DCAF1: variants seen among roughly 807,000 people sequenced by gnomAD.
The protein encoded by DCAF1 is DDB1- and CUL4-associated factor 1.
DCAF1 carries 15 observed loss-of-function variants against 128.0 expected under a neutral mutation model. That is an observed-to-expected ratio of 0.12 (90% CI 0.08 to 0.18). DCAF1 has a LOEUF of 0.18. Ranked by LOEUF, DCAF1 falls within the 10% of genes least tolerant of loss-of-function variation. The pLI, the probability that DCAF1 is intolerant of heterozygous loss-of-function variation, is 1.00. For synonymous variants in DCAF1, 610 were observed against 603.0 expected (o/e 1.01, Z -0.17); for missense variants, 988 against 1,649.5 (o/e 0.60, Z 6.95).
intron 8 of DCAF1, 122 bp from the exon 9 acceptor site, chr3:51,441,193 T>A: frequency 8.6e-7 from 1 of 1,167,680 alleles, no homozygotes; most frequent in African/African-American, 1.5e-5. Flanking sequence ...CCTGTGAAGA[T>A]AAACGTGTAA....
chr3:51,481,639 G>A (rs1160644631), intron 3 of DCAF1, among the ~76,000 whole-genome samples: 2 of 152,134 alleles, frequency 1.3e-5, no homozygotes, highest in Admixed American at 6.6e-5. Context: ...GGGTTGCAGT[G>A]AGCCAAGATC....
Position 51,478,810 on chromosome 3 carries a change from CCT to C in DCAF1, c.110+4907_110+4908del, listed in dbSNP as rs1705802415. On this transcript the variant is annotated intron_variant, in intron 3 of 24. Transcript: ENST00000684031. ...GGCCTAACTTTCTTAATCTCCAATG[CCT>C]CTACCAGTTAAAATCCAGTTTCTGC... Among the ~76,000 whole-genome samples, 3 of 152,022 alleles carry C rather than the reference CCT, an allele frequency of 2.0e-5. 1 individual carries two copies. The South Asian group carries it at 6.2e-4, about 31-fold the overall frequency.
intron 13 of DCAF1, 46 bp downstream of exon 13, chr3:51,427,326 C>G (rs1553634336): frequency 1.6e-6 from 1 of 641,352 alleles, no homozygotes. Context: ...TCAACTTTAA[C>G]AAAAAGATGC....
chr3:51,433,945 G>A (rs1700597698), intron 9 of DCAF1, among the ~76,000 whole-genome samples: 1 of 151,468 alleles, frequency 6.6e-6, no homozygotes, highest in African/African-American at 2.4e-5. Context: ...TGCCAGACGT[G>A]GTGGTGGGTG....
intron 6 of DCAF1, among the ~76,000 whole-genome samples, chr3:51,448,981 A>G (rs527717550): frequency 6.6e-6 from 1 of 152,150 alleles, no homozygotes; most frequent in South Asian, 2.1e-4. Context: ...AAAAAGATTG[A>G]AATCTCACAA....
intron 1 of DCAF1, among the ~76,000 whole-genome samples, chr3:51,497,111 G>A (rs1035693507): frequency 6.6e-6 from 1 of 151,950 alleles, no homozygotes. Context: ...CCTGGCCAAC[G>A]CGGCAAATCC....
intron 9 of DCAF1, among the ~76,000 whole-genome samples, chr3:51,435,655 G>A (rs1700751759): frequency 6.7e-6 from 1 of 149,408 alleles, no homozygotes; most frequent in Non-Finnish European, 1.5e-5. Flanking sequence ...GGGTTGCAGT[G>A]AGCAGAGATC....
intron 3 of DCAF1, among the ~76,000 whole-genome samples, chr3:51,479,398 G>C (rs1033552159): frequency 6.6e-6 from 1 of 152,086 alleles, no homozygotes. Context: ...AGCTACTCCA[G>C]AAGCTGAGGT....
intron 23 of DCAF1, among the ~76,000 whole-genome samples, chr3:51,407,984 C>CAAAAAAAAAAAAAA (rs59224025): frequency 5.7e-5 from 3 of 52,544 alleles, no homozygotes; most frequent in Non-Finnish European, 9.5e-5. Flanking sequence ...GACTCCATCT[C>CAAAAAAAAAAAAAA]AAAAAAAAAA....
At chr3:51,414,475 T>C (rs149232616) in intron 19 of DCAF1, 149 bp downstream of exon 19, 2 of 1,196,214 alleles carry the variant, frequency 1.7e-6, no homozygotes, top group African/African-American at 1.5e-5. Context: ...GCTTTGGAGA[T>C]TTCACTAACA....
chr3:51,430,289 A>G (rs1328511824), intron 10 of DCAF1, 77 bp from the exon 11 acceptor site: 2 of 690,080 alleles, frequency 2.9e-6, no homozygotes, highest in African/African-American at 1.8e-5. Context: ...AAAATTTGCC[A>G]GTATAGATAT....
At chr3:51,476,519 T>C (rs1335870390) in intron 3 of DCAF1, among the ~76,000 whole-genome samples, 2 of 125,806 alleles carry the variant, frequency 1.6e-5, no homozygotes, top group African/African-American at 3.1e-5. Context: ...ATAATGGTCT[T>C]ACAAAAAAAA....
chr3:51,494,624 T>A (rs953978902), intron 2 of DCAF1, among the ~76,000 whole-genome samples: 1 of 151,942 alleles, frequency 6.6e-6, no homozygotes, highest in African/African-American at 2.4e-5. Flanking sequence ...GTTAGCCTAC[T>A]AGAGCACATA....
At chr3:51,419,010 G>A in intron 15 of DCAF1, 134 bp from the exon 16 acceptor site, 3 of 1,357,288 alleles carry the variant, frequency 2.2e-6, no homozygotes, top group Non-Finnish European at 2.9e-6. Context: ...GTGACCTTCA[G>A]TGCTTTTTAT....
intron 4 of DCAF1, among the ~76,000 whole-genome samples, chr3:51,469,737 T>C (rs1273223208): frequency 2.0e-5 from 3 of 151,994 alleles, no homozygotes; most frequent in Non-Finnish European, 4.4e-5. Flanking sequence ...TAGCCCAAAA[T>C]TGGCCAGGCT....
chr3:51,414,515 T>C, intron 19 of DCAF1, 109 bp downstream of exon 19: 4 of 1,436,146 alleles, frequency 2.8e-6, no homozygotes, highest in Non-Finnish European at 3.7e-6. Context: ...CACCATATTA[T>C]TACCAGTGTG....
chr3:51,480,598 CAAA>C (rs34527434), intron 3 of DCAF1, among the ~76,000 whole-genome samples: 1 of 92,520 alleles, frequency 1.1e-5, no homozygotes, highest in Non-Finnish European at 2.0e-5. Context: ...GAGTCTGCCT[CAAA>C]AAAAAAAAAA....
intron 3 of DCAF1, among the ~76,000 whole-genome samples, chr3:51,472,265 G>C (rs1360743095): frequency 2.6e-5 from 4 of 152,112 alleles, no homozygotes; most frequent in African/African-American, 9.7e-5. Flanking sequence ...GGGTTACAGT[G>C]CTATTAACTC....
At chr3:51,410,507 A>ATAGCTAAATCTCAGAC (rs1553628134) in intron 23 of DCAF1, among the ~76,000 whole-genome samples, 2 of 151,952 alleles carry the variant, frequency 1.3e-5, no homozygotes, top group Non-Finnish European at 2.9e-5. Flanking sequence ...AGTAAAACAC[A>ATAGCTAAATCTCAGAC]TAGCTAAATC....
Sources: gnomAD v4.1 joint callset for allele counts (sites outside exome capture counted in the v4.1 genomes callset) on GRCh38, gnomAD v4.1.1 for gene constraint, MANE v1.5 for transcripts, NCBI Gene and HGNC (gene_info 2026-07-23, HGNC 2026-07-21) for gene names.